The following POLQ variants were observed in gnomAD, a reference collection of about 807,000 sequenced individuals.
The protein encoded by POLQ is epididymis secretory sperm binding protein.
In POLQ, 233 loss-of-function variants were observed where a neutral mutation model predicts 259.2. That is an observed-to-expected ratio of 0.90 (90% CI 0.81 to 1.00). The LOEUF (loss-of-function observed/expected upper bound fraction) is 1.00, where lower values mean the gene tolerates loss of function less well. Among genes scored for constraint, POLQ ranks in the 50% least tolerant of loss-of-function variants. POLQ has a pLI of 0.00. For synonymous variants in POLQ, 1,025 were observed against 1,048.8 expected (o/e 0.98, Z 0.44); for missense variants, 2,871 against 3,051.6 (o/e 0.94, Z 1.39).
At chr3:121,437,651 T>A (rs1280238528) in intron 27 of POLQ, among the ~76,000 whole-genome samples, 1 of 152,152 alleles carries the variant, frequency 6.6e-6, no homozygotes, top group Non-Finnish European at 1.5e-5. Context: ...TCTACTGAAG[T>A]TGAAAATATG....
chr3:121,505,965 T>TGAGCCGAGATTGCACC (rs1429636458), intron 12 of POLQ, among the ~76,000 whole-genome samples: 1 of 143,746 alleles, frequency 7.0e-6, no homozygotes, highest in African/African-American at 2.6e-5. Flanking sequence ...GAGGTTGCAG[T>TGAGCCGAGATTGCACC]GAGCCGAGAT....
chr3:121,495,848 CA>C (rs34476932), intron 14 of POLQ, among the ~76,000 whole-genome samples: 1,476 of 28,136 alleles, frequency 0.052, 9 homozygotes, highest in African/African-American at 0.15. Flanking sequence ...GACTCTGTCT[CA>C]AAAAAAAAAA....
Position 121,485,201 on chromosome 3 carries a change from TG to T in POLQ, c.5630-18del. ...GTGAGCTAGCTAAGTAAAACAAAAG[TG>T]AAACAGTTAAAAATCTCTAAAAATA... On this transcript the variant is annotated intron_variant, in intron 16 of 29. Transcript: ENST00000264233. The T allele has an allele frequency of 6.6e-7, 1 of 1,509,882 alleles. No homozygotes were observed. The highest frequency in any genetic ancestry group is 2.1e-5 in the Admixed American group (1 of 47,988). 93.5% of individuals were successfully genotyped at this position (1,509,882 alleles called of 1,614,324 possible).
At chr3:121,521,953 A>C (rs557322476) in intron 8 of POLQ, 50 bp downstream of exon 8, 1 of 1,240,156 alleles carries the variant, frequency 8.1e-7, no homozygotes, top group Admixed American at 2.4e-5. Flanking sequence ...AAGTTAAGAC[A>C]GTATGAGGAA....
chr3:121,494,543 T>G, intron 14 of POLQ: 1 of 1,581,464 alleles, frequency 6.3e-7, no homozygotes, highest in Admixed American at 1.7e-5. Flanking sequence ...CGTCACCACC[T>G]TGGTGGAGAA....
intron 26 of POLQ, among the ~76,000 whole-genome samples, chr3:121,447,582 A>G (rs1353180921): frequency 5.3e-5 from 8 of 152,192 alleles, no homozygotes; most frequent in Admixed American, 5.2e-4. Context: ...AATAGTTTAT[A>G]TATCACAATT....
intron 7 of POLQ, among the ~76,000 whole-genome samples, chr3:121,522,372 C>T (rs1352134283): frequency 2.7e-5 from 2 of 74,472 alleles, no homozygotes; most frequent in Admixed American, 1.7e-4. Flanking sequence ...ACTGCAGTGG[C>T]GCAATCTCGG....
intron 6 of POLQ, among the ~76,000 whole-genome samples, chr3:121,531,171 G>T (rs1001756516): frequency 6.6e-6 from 1 of 152,066 alleles, no homozygotes; most frequent in African/African-American, 2.4e-5. Flanking sequence ...TGGGCAACAA[G>T]AGCAAAACTC....
At chr3:121,502,444 T>G (rs1229137325) in intron 12 of POLQ, among the ~76,000 whole-genome samples, 4 of 152,264 alleles carry the variant, frequency 2.6e-5, no homozygotes, top group South Asian at 4.1e-4. Context: ...CCTCAAGTGG[T>G]CCACCCGCCT....
In POLQ at chr3:121,493,045, T is replaced by G. The variant is rs545710605; in HGVS notation, c.2522+433A>C. On this transcript the variant is annotated intron_variant, in intron 15 of 29. Coordinates refer to ENST00000264233, the MANE Select transcript of POLQ (RefSeq NM_199420.4). ...AGCCGGGCACTTTGGCTCACGCCTA[T>G]AATCCCAGCACTTTGGGAGGCTGAG... is the stretch of plus-strand genomic sequence containing the variant. Among the ~76,000 whole-genome samples the G allele has an allele frequency of 1.9e-3, 282 of 152,252 alleles. 1 individual carries two copies. Among genetic ancestry groups the G allele is most frequent in the African/African-American group, 6.5e-3 (270 of 41,558 alleles).
rs1560111944 is a variant in POLQ at position 121,545,847 on chromosome 3, GCCGTTTC to G, written c.24_30del (p.Lys9GlyfsTer29). On this transcript the variant is annotated frameshift_variant, in exon 1 of 30. Transcript: ENST00000264233. LOFTEE classifies it high-confidence loss of function. ...GAATCTGAGCCTGATTCTGAACGCC[GCCGTTTC>G]CCACTCCGACGCAGAAGATTCATGG... 1 of 1,613,980 alleles carries G rather than the reference GCCGTTTC, an allele frequency of 6.2e-7. No individual in the cohort carries two copies. The highest frequency in any genetic ancestry group is 2.2e-5 in the East Asian group (1 of 44,886).
chr3:121,528,344 ATT>A (rs369377736), intron 7 of POLQ, among the ~76,000 whole-genome samples: 9 of 138,134 alleles, frequency 6.5e-5, no homozygotes, highest in Non-Finnish European at 7.9e-5. Flanking sequence ...GGAAATTTTA[ATT>A]TTTTTTTTTT....
Position 121,493,643 on chromosome 3 carries a change from G to GT in POLQ, c.2356dup (p.Thr786AsnfsTer10). 1 of 1,614,042 alleles carries GT rather than the reference G, an allele frequency of 6.2e-7. No homozygotes were observed. Among genetic ancestry groups the GT allele is most frequent in the Admixed American group, 1.7e-5 (1 of 60,004 alleles). On this transcript the variant is annotated frameshift_variant, in exon 15 of 30. Coordinates refer to ENST00000264233, the MANE Select transcript of POLQ (RefSeq NM_199420.4). LOFTEE classifies it high-confidence loss of function. The stretch of plus-strand genomic sequence containing the variant: ...ACACAGCTCCCTCTGGATGCCAAAC[G>GT]TAAGACGCTTCTGAAATTGGGAAAG...
chr3:121,432,527 T>A, intron 29 of POLQ, 110 bp from the exon 30 acceptor site: 1 of 994,906 alleles, frequency 1.0e-6, no homozygotes, highest in Non-Finnish European at 1.4e-6. Flanking sequence ...CAATGGTGCT[T>A]AAAATGCTAA....
chr3:121,488,729 C>T lies in POLQ; in HGVS notation c.4202G>A (p.Ser1401Asn), dbSNP rs2048036387. 6.2e-7 allele frequency: 1 copy of T among 1,614,070 alleles called. No individual in the cohort carries two copies. The change falls in exon 16 of 30, where the codon AGC (serine) becomes AAC (asparagine). Residue 1401 changes from serine to asparagine, a missense_variant. Coordinates refer to ENST00000264233, the MANE Select transcript of POLQ (RefSeq NM_199420.4). ...GATATCAACCCCATGTGAATCACTG[C>T]TTTGTTTCATAGTACCTACAGTCTT... is the stretch of plus-strand genomic sequence containing the variant. ...DLKTVGTMKQSSDSHGVDILT... is the reference protein window; with the variant it reads ...DLKTVGTMKQNSDSHGVDILT...
In POLQ at chr3:121,485,200, G is replaced by A. The variant is rs978255335; in HGVS notation, c.5630-16C>T. On this transcript the variant is annotated splice_polypyrimidine_tract_variant and intron_variant, in intron 16 of 29. Transcript: ENST00000264233. ...GGTGAGCTAGCTAAGTAAAACAAAAGTGAAACAGTTAAAAATCTCTAAAAA... is the reference window on the plus strand; with the variant it reads ...GGTGAGCTAGCTAAGTAAAACAAAAATGAAACAGTTAAAAATCTCTAAAAA... 1.3e-6 allele frequency: 2 copies of A among 1,509,046 alleles called. 1 individual carries two copies. Among genetic ancestry groups the A allele is most frequent in the South Asian group, 2.5e-5 (2 of 80,494 alleles). 93.5% of individuals were successfully genotyped at this position (1,509,046 alleles called of 1,614,324 possible).
In POLQ at chr3:121,490,107, T is replaced by C. The variant is rs559211409; in HGVS notation, c.2824A>G (p.Thr942Ala). 2.5e-6 allele frequency: 4 copies of C among 1,600,584 alleles called. No homozygotes were observed. In the African/African-American group the frequency reaches 5.4e-5, roughly 21 times the overall value. The change falls in exon 16 of 30, where the codon ACA (threonine) becomes GCA (alanine). Residue 942 changes from threonine to alanine, a missense_variant. Transcript: ENST00000264233. ...TTAATATAAGAATCACTAAATATTGTGTTACTTTTGTTCTTTGATGTTAAT... is the reference window on the plus strand; with the variant it reads ...TTAATATAAGAATCACTAAATATTGCGTTACTTTTGTTCTTTGATGTTAAT... ...KKLTSKNKSN[T>A]IFSDSYIKHS...
At chr3:121,464,902 G>A (rs1253536540) in intron 24 of POLQ, among the ~76,000 whole-genome samples, 2 of 152,068 alleles carry the variant, frequency 1.3e-5, no homozygotes, top group African/African-American at 4.8e-5. Context: ...TTGTAATAAT[G>A]AGTAACATAA....
Position 121,488,470 on chromosome 3 carries a change from A to C in POLQ, c.4461T>G (p.Asp1487Glu), listed in dbSNP as rs961362861. The C allele has an allele frequency of 6.2e-7, 1 of 1,609,388 alleles. No individual in the cohort carries two copies. The highest frequency in any genetic ancestry group is 8.5e-7 in the Non-Finnish European group (1 of 1,178,106). Residue 1487 changes from aspartate to glutamate, a missense_variant, in exon 16 of 30, where the codon GAT becomes GAG. This residue lies in a region of POLQ where 2,080 missense variants were observed against 2,126.0 expected (regional missense o/e 0.98). Transcript: ENST00000264233. Reference protein sequence around the residue: ...PVPETSLNMSDSLLFDSFSDD... With the variant: ...PVPETSLNMSESLLFDSFSDD... Reference sequence around the variant, plus strand: ...CACTGAAGCTATCAAATAGTAAACTATCACTCATATTCAAACTTGTTTCAG... The same window carrying C: ...CACTGAAGCTATCAAATAGTAAACTCTCACTCATATTCAAACTTGTTTCAG...
Sources: gnomAD v4.1 joint callset for allele counts (sites outside exome capture counted in the v4.1 genomes callset) on GRCh38, gnomAD v4.1.1 for gene constraint, gnomAD v4.1.1 regional missense constraint, MANE v1.5 for transcripts, NCBI Gene and HGNC (gene_info 2026-07-23, HGNC 2026-07-21) for gene names.